The following LRP1B variants were observed in gnomAD, a reference collection of about 807,000 sequenced individuals.
LRP1B encodes the protein LDL receptor related protein 1B.
LRP1B carries 217 observed loss-of-function variants against 556.6 expected under a neutral mutation model. The ratio of observed to expected loss-of-function variants is 0.39; its 90% CI spans 0.35 to 0.44. LRP1B has a LOEUF of 0.44. Among genes scored for constraint, LRP1B ranks in the 20% least tolerant of loss-of-function variants. The pLI, the probability that LRP1B is intolerant of heterozygous loss-of-function variation, is 1.00. For missense variants in LRP1B, 5,053 were observed against 5,620.8 expected (o/e 0.90, Z 3.23); for synonymous variants, 2,047 against 1,865.8 (o/e 1.10, Z -2.50).
At chr2:141,598,514 T>G (rs1687604709) in intron 2 of LRP1B, among the ~76,000 whole-genome samples, 1 of 152,080 alleles carries the variant, frequency 6.6e-6, no homozygotes, top group Admixed American at 6.6e-5. Context: ...AGGACAGAAA[T>G]GATATTATTT....
intron 20 of LRP1B, among the ~76,000 whole-genome samples, chr2:140,932,886 TACACACACAC>T (rs373649277): frequency 7.8e-6 from 1 of 127,554 alleles, no homozygotes; most frequent in African/African-American, 2.9e-5. Flanking sequence ...TCTCTCCCTA[TACACACACAC>T]ACACACACAC....
chr2:141,200,272 C>A (rs1681950715), intron 6 of LRP1B, among the ~76,000 whole-genome samples: 1 of 152,062 alleles, frequency 6.6e-6, no homozygotes, highest in South Asian at 2.1e-4. Flanking sequence ...AAACCAAGAT[C>A]ATATCCTTTG....
At chr2:141,249,242 T>C (rs1254459932) in intron 4 of LRP1B, among the ~76,000 whole-genome samples, 2 of 151,994 alleles carry the variant, frequency 1.3e-5, no homozygotes, top group Non-Finnish European at 1.5e-5. Flanking sequence ...GAAGAGGAGA[T>C]GAAAAAAATT....
rs562748824 is a variant in LRP1B at position 141,853,893 on chromosome 2, G to C, written c.83-43492C>G. On this transcript the variant is annotated intron_variant, in intron 1 of 90. Transcript: ENST00000389484. ...CTCAAGTCACATATTGATATTTTAT[G>C]ATATATTTGTTGTGACTTGAGCCAG... Among the ~76,000 whole-genome samples, 9 of 151,966 alleles carry C rather than the reference G, an allele frequency of 5.9e-5. No individual in the cohort carries two copies. In the South Asian group the frequency reaches 1.5e-3, roughly 25 times the overall value.
chr2:141,846,052 G>C (rs1420430709), intron 1 of LRP1B, among the ~76,000 whole-genome samples: 1 of 151,410 alleles, frequency 6.6e-6, no homozygotes, highest in Non-Finnish European at 1.5e-5. Flanking sequence ...TGAAAAATAG[G>C]AGAAAATAGG....
At chr2:140,822,039 A>T (rs1691347920) in intron 31 of LRP1B, among the ~76,000 whole-genome samples, 1 of 152,124 alleles carries the variant, frequency 6.6e-6, no homozygotes, top group South Asian at 2.1e-4. Context: ...GAAACATCAA[A>T]GAAATAAAAA....
At chr2:141,189,805 G>A (rs150143168) in intron 6 of LRP1B, among the ~76,000 whole-genome samples, 12 of 151,806 alleles carry the variant, frequency 7.9e-5, no homozygotes, top group African/African-American at 2.2e-4. Flanking sequence ...CTACTGTTGC[G>A]GCTTAGAAAA....
At chr2:141,819,300 C>G (rs1389990792) in intron 1 of LRP1B, among the ~76,000 whole-genome samples, 1 of 152,006 alleles carries the variant, frequency 6.6e-6, no homozygotes, top group African/African-American at 2.4e-5. Flanking sequence ...TTTTCTTTCT[C>G]TATCACTGGA....
intron 2 of LRP1B, among the ~76,000 whole-genome samples, chr2:141,489,513 A>G (rs1683255053): frequency 6.6e-6 from 1 of 152,004 alleles, no homozygotes; most frequent in Non-Finnish European, 1.5e-5. Context: ...TGTGAACAAC[A>G]TCATTTACTC....
chr2:140,642,116 T>C (rs1380653609), intron 41 of LRP1B, among the ~76,000 whole-genome samples: 1 of 152,172 alleles, frequency 6.6e-6, no homozygotes, highest in Non-Finnish European at 1.5e-5. Flanking sequence ...TGCATCTCAG[T>C]GGGCCAGAGT....
At chr2:140,556,186 CCTT>C (rs1461765860) in intron 43 of LRP1B, among the ~76,000 whole-genome samples, 1 of 152,040 alleles carries the variant, frequency 6.6e-6, no homozygotes, top group Non-Finnish European at 1.5e-5. Flanking sequence ...GCAACTCTGA[CCTT>C]CTCTCTCCTT....
intron 1 of LRP1B, among the ~76,000 whole-genome samples, chr2:142,055,017 A>T (rs1462785408): frequency 6.6e-6 from 1 of 152,154 alleles, no homozygotes; most frequent in Non-Finnish European, 1.5e-5. Flanking sequence ...GTGAGAGAAA[A>T]CATCATTCAT....
At chr2:140,562,005 GA>G (rs1680949135) in intron 43 of LRP1B, among the ~76,000 whole-genome samples, 1 of 151,910 alleles carries the variant, frequency 6.6e-6, no homozygotes, top group East Asian at 1.9e-4. Flanking sequence ...AACAGATAAA[GA>G]AAAAGCATTT....
chr2:141,240,505 C>G (rs1240271054), intron 5 of LRP1B, among the ~76,000 whole-genome samples: 3 of 151,994 alleles, frequency 2.0e-5, no homozygotes, highest in African/African-American at 7.2e-5. Context: ...CTTGCCTCAT[C>G]TATTTAACCA....
At chr2:141,039,718 C>A (rs1002200890) in intron 11 of LRP1B, among the ~76,000 whole-genome samples, 1 of 152,034 alleles carries the variant, frequency 6.6e-6, no homozygotes, top group African/African-American at 2.4e-5. Flanking sequence ...AGGATGTCTT[C>A]TCCTCTGTGT....
At chr2:141,531,154 G>A (rs4954916) in intron 2 of LRP1B, among the ~76,000 whole-genome samples, 56,079 of 151,928 alleles carry the variant, frequency 0.37, 11,525 homozygotes, top group Non-Finnish European at 0.47. Flanking sequence ...ATAGAATGCC[G>A]CTCTGTACCT....
intron 2 of LRP1B, among the ~76,000 whole-genome samples, chr2:141,630,051 C>T (rs1429949473): frequency 6.6e-6 from 1 of 152,158 alleles, no homozygotes; most frequent in Non-Finnish European, 1.5e-5. Flanking sequence ...AGGTCCCTCA[C>T]CCCCTATAGC....
At chr2:141,841,554 G>A (rs923843881) in intron 1 of LRP1B, among the ~76,000 whole-genome samples, 13 of 152,122 alleles carry the variant, frequency 8.5e-5, no homozygotes, top group East Asian at 3.9e-4. Context: ...GTGTGTAATC[G>A]TAGCTTCATT....
At chr2:141,918,359 A>T (rs1403832337) in intron 1 of LRP1B, among the ~76,000 whole-genome samples, 1 of 152,122 alleles carries the variant, frequency 6.6e-6, no homozygotes, top group Non-Finnish European at 1.5e-5. Context: ...TAGAAAAAAA[A>T]ACTTTTCAGA....
Sources: allele counts gnomAD v4.1 joint callset (sites outside exome capture counted in the v4.1 genomes callset), GRCh38; gene constraint gnomAD v4.1.1; transcripts MANE v1.5; gene names NCBI Gene and HGNC (gene_info 2026-07-23, HGNC 2026-07-21).